CLCN6: variants seen among roughly 807,000 people sequenced by gnomAD.
The protein encoded by CLCN6 is Cl-/H+ antiporter 6.
In CLCN6, 70 loss-of-function variants were observed where a neutral mutation model predicts 109.8. That is an observed-to-expected ratio of 0.64 (90% CI 0.53 to 0.78). CLCN6 has a LOEUF of 0.78. CLCN6 is among the 30% of genes least tolerant of loss of function. The probability of loss-of-function intolerance (pLI) is 0.00; values close to 1 mark genes in which losing one functional copy is unlikely to be tolerated. For synonymous variants in CLCN6, 444 were observed against 447.8 expected (o/e 0.99, Z 0.11); for missense variants, 984 against 1,142.3 (o/e 0.86, Z 2.00).
At chr1:11,829,372 C>T in intron 13 of CLCN6, 50 bp downstream of exon 13, 1 of 1,608,830 alleles carries the variant, frequency 6.2e-7, no homozygotes. Context: ...AGGAAGAATC[C>T]AGAAATGTAT....
At chr1:11,828,655 T>C (rs1644843252) in intron 12 of CLCN6, 31 bp downstream of exon 12, 2 of 1,567,326 alleles carry the variant, frequency 1.3e-6, no homozygotes, top group South Asian at 2.4e-5. Context: ...CCCCCGAGCC[T>C]GCTGCGGCTC....
In CLCN6 at chr1:11,837,020, G is replaced by A; in HGVS notation, c.2002G>A (p.Ala668Thr). 1 of 1,611,268 alleles carries A rather than the reference G, an allele frequency of 6.2e-7. No homozygotes were observed. Among genetic ancestry groups the A allele is most frequent in the Non-Finnish European group, 8.5e-7 (1 of 1,180,024 alleles). ...KFKKSSILTRAGEQRKRSQSM... is the reference protein window; with the variant it reads ...KFKKSSILTRTGEQRKRSQSM... ...ACAGAAATCCAGCATCCTCACCCGG[G>A]CTGGCGAGCAGCGCAAACGGAGCCA... The change falls in exon 19 of 23, where the codon GCT becomes ACT. Residue 668 changes from alanine to threonine, a missense_variant. Transcript: ENST00000346436.
At chr1:11,829,466 TG>T in intron 13 of CLCN6, 144 bp downstream of exon 13, 1 of 989,872 alleles carries the variant, frequency 1.0e-6, no homozygotes. Flanking sequence ...TATGGGAATC[TG>T]TAGTCGTCTT....
intron 5 of CLCN6, among the ~76,000 whole-genome samples, chr1:11,819,982 G>GA (rs370071806): frequency 2.0e-5 from 3 of 151,670 alleles, no homozygotes; most frequent in East Asian, 3.9e-4. Context: ...GGGAGTTAGG[G>GA]AAAAAAAAGT....
chr1:11,822,851 C>T (rs1453866042), intron 6 of CLCN6, 50 bp downstream of exon 6: 1 of 1,145,868 alleles, frequency 8.7e-7, no homozygotes, highest in African/African-American at 1.5e-5. Flanking sequence ...TAGAGTCCCG[C>T]ACTCCTTTTC....
chr1:11,824,769 C>T (rs1232889323), intron 8 of CLCN6, among the ~76,000 whole-genome samples: 1 of 152,186 alleles, frequency 6.6e-6, no homozygotes, highest in Non-Finnish European at 1.5e-5. Context: ...AAAAATGAGA[C>T]ATAGAGAAAA....
intron 2 of CLCN6, among the ~76,000 whole-genome samples, chr1:11,814,247 C>CTTTTTTTTT (rs1197587407): frequency 8.5e-4 from 112 of 131,184 alleles, no homozygotes; most frequent in East Asian, 1.3e-3. Flanking sequence ...ACTGCTGCGT[C>CTTTTTTTTT]TTTTTTTTTT....
In CLCN6 at chr1:11,833,993, G is replaced by T. The variant is rs1443846868; in HGVS notation, c.1489G>T (p.Ala497Ser). Residue 497 changes from alanine to serine, a missense_variant, in exon 15 of 23, where the codon GCT (alanine) becomes TCT (serine). Physicochemically the swap from Ala to Ser is moderately conservative, Grantham distance 99. Coordinates refer to ENST00000346436, the MANE Select transcript of CLCN6 (RefSeq NM_001286.5). Reference sequence around the variant, plus strand: ...TTTTGTGCCTTCTCTGCTGTGTGGAGCTGCTTTTGGACGTTTAGTTGCCAA... The same window carrying T: ...TTTTGTGCCTTCTCTGCTGTGTGGATCTGCTTTTGGACGTTTAGTTGCCAA... ...GLFVPSLLCG[A>S]AFGRLVANVL... The T allele has an allele frequency of 6.2e-7, 1 of 1,614,114 alleles. No individual in the cohort carries two copies. Among genetic ancestry groups the T allele is most frequent in the Admixed American group, 1.7e-5 (1 of 59,982 alleles).
In CLCN6 at chr1:11,838,666, C is replaced by A. The variant is rs560036425; in HGVS notation, c.2529+6C>A. On this transcript the variant is annotated splice_donor_region_variant and intron_variant, in intron 22 of 22. Transcript: ENST00000346436. ...TGGTGAACGCTGTGGGAGAGGTGAG[C>A]GAGGCCCCGGCCCTGCCCCCACCTT... The A allele has an allele frequency of 2.5e-6, 4 of 1,614,090 alleles. No homozygotes were observed. Among genetic ancestry groups the A allele is most frequent in the Non-Finnish European group, 3.4e-6 (4 of 1,180,040 alleles).
chr1:11,831,659 G>T (rs965748879), intron 13 of CLCN6, among the ~76,000 whole-genome samples: 1 of 152,126 alleles, frequency 6.6e-6, no homozygotes, highest in Admixed American at 6.5e-5. Flanking sequence ...ACGATTCTGT[G>T]GTCAAATGGG....
In CLCN6 at chr1:11,833,952, C is replaced by T. The variant is rs773103576; in HGVS notation, c.1448C>T (p.Ser483Phe). ...CTTGCATGTTGGACTTACGGCATTT[C>T]TGTTCCAAGTGGCCTTTTTGTGCCT... Reference protein sequence around the residue: ...FLLACWTYGISVPSGLFVPSL... With the variant: ...FLLACWTYGIFVPSGLFVPSL... The change falls in exon 15 of 23, where the codon TCT (serine) becomes TTT (phenylalanine). Residue 483 changes from serine to phenylalanine, a missense_variant. Ser to Phe is a radical substitution (Grantham distance 155, BLOSUM62 -2). Coordinates refer to ENST00000346436, the MANE Select transcript of CLCN6 (RefSeq NM_001286.5). 1.2e-5 allele frequency: 19 copies of T among 1,613,928 alleles called. No individual in the cohort carries two copies. The East Asian group carries it at 4.0e-4, about 34-fold the overall frequency.
At chr1:11,808,349 C>A (rs1178794174) in intron 2 of CLCN6, among the ~76,000 whole-genome samples, 1 of 151,976 alleles carries the variant, frequency 6.6e-6, no homozygotes, top group African/African-American at 2.4e-5. Flanking sequence ...CCATGTCAGC[C>A]TCCCAAAGTT....
In CLCN6 at chr1:11,834,635, G is replaced by A; in HGVS notation, c.1793+45G>A. ...CATGTCCTAGTTTCAGAATGTATAA[G>A]CTCTGAGGCCTAAGGAATGTTGTTA... On this transcript the variant is annotated intron_variant, in intron 17 of 22. Transcript: ENST00000346436. This position sits in a 1 kb window ranked among gnomAD's most constrained non-coding sequence, Gnocchi z 4.5. The A allele has an allele frequency of 6.7e-7, 1 of 1,485,816 alleles. No individual in the cohort carries two copies. The highest frequency in any genetic ancestry group is 9.4e-7 in the Non-Finnish European group (1 of 1,066,564). 92.0% of individuals were successfully genotyped at this position (1,485,816 alleles called of 1,614,324 possible).
At chr1:11,839,150 A>AT in intron 22 of CLCN6, 1 of 580,704 alleles carries the variant, frequency 1.7e-6, no homozygotes, top group South Asian at 2.2e-5. Context: ...TTGTAGGAAA[A>AT]TACAAAAACA....
At chr1:11,807,070 T>G in intron 1 of CLCN6, 61 bp from the exon 2 acceptor site, 1 of 1,409,608 alleles carries the variant, frequency 7.1e-7, no homozygotes, top group Non-Finnish European at 1.0e-6. Flanking sequence ...CAGTAAATAC[T>G]TCTGCCTCCT....
chr1:11,837,520 A>G, intron 20 of CLCN6, 21 bp downstream of exon 20: 1 of 1,609,924 alleles, frequency 6.2e-7, no homozygotes, highest in Non-Finnish European at 8.5e-7. Flanking sequence ...CCGAGGCAGA[A>G]ATCAGCCAGG....
At position 11,841,696 on chromosome 1, in the gene CLCN6, T is replaced by G. The variant is rs1011775057; in HGVS notation, c.*1473T>G. ...GCCCTGGGCGACCTCCTTGGCCAAG[T>G]CTGCCTTTCACCCTGGGGTGAGCAT... On this transcript the variant is annotated 3_prime_UTR_variant, in exon 23 of 23. Coordinates refer to ENST00000346436, the MANE Select transcript of CLCN6 (RefSeq NM_001286.5). 6.6e-6 allele frequency: 1 copy of G among 152,270 alleles called. No homozygotes were observed. The highest frequency in any genetic ancestry group is 6.5e-5 in the Admixed American group (1 of 15,288). 9.4% of individuals were successfully genotyped at this position (152,270 alleles called of 1,614,324 possible).
At chr1:11,826,079 T>C (rs1219966089) in intron 8 of CLCN6, 77 bp from the exon 9 acceptor site, 17 of 1,063,100 alleles carry the variant, frequency 1.6e-5, no homozygotes, top group African/African-American at 3.2e-5. Context: ...TTTTTTTTTT[T>C]CCATAATTAC....
chr1:11,829,523 C>G (rs949203517), intron 13 of CLCN6, among the ~76,000 whole-genome samples: 1 of 152,104 alleles, frequency 6.6e-6, no homozygotes, highest in Non-Finnish European at 1.5e-5. Context: ...GTCTTTGCCA[C>G]TTCTGTGAAC....
Sources: allele counts gnomAD v4.1 joint callset (sites outside exome capture counted in the v4.1 genomes callset), GRCh38; gene constraint gnomAD v4.1.1; non-coding constraint Gnocchi (gnomAD v3.1); transcripts MANE v1.5; gene names NCBI Gene and HGNC (gene_info 2026-07-23, HGNC 2026-07-21).